The following PCDH19 variants were observed in gnomAD, a reference collection of about 807,000 sequenced individuals.
PCDH19 encodes protocadherin 19.
Under a neutral mutation model 46.2 loss-of-function variants are expected in PCDH19, and 6 were observed. The observed-to-expected ratio is 0.13, with a 90% CI of 0.07 to 0.26. The LOEUF is 0.26. Among genes scored for constraint, PCDH19 ranks in the 10% least tolerant of loss-of-function variants. The pLI is 1.00. For missense variants in PCDH19, 740 were observed against 972.3 expected (o/e 0.76, Z 3.18); for synonymous variants, 481 against 415.7 (o/e 1.16, Z -1.91).
At chrX:100,316,112 T>C (rs1454826937) in intron 5 of PCDH19, among the ~76,000 whole-genome samples, 1 of 112,008 alleles carries the variant, frequency 8.9e-6, no homozygotes, top group Non-Finnish European at 1.9e-5. Context: ...GCATCAACAG[T>C]AATTTATTGA....
chrX:100,399,701 G>A (rs1350829057), intron 3 of PCDH19, among the ~76,000 whole-genome samples: 3 of 111,476 alleles, frequency 2.7e-5, no homozygotes, highest in Non-Finnish European at 5.6e-5. Flanking sequence ...TTTCTGAATG[G>A]GTTTGCCAGT....
At chrX:100,362,498 C>G (rs1186338809) in intron 3 of PCDH19, among the ~76,000 whole-genome samples, 1 of 110,535 alleles carries the variant, frequency 9.0e-6, no homozygotes, top group Non-Finnish European at 1.9e-5. Context: ...CATTTAGGGT[C>G]AAAAGTTACT....
intron 3 of PCDH19, among the ~76,000 whole-genome samples, chrX:100,382,896 G>A (rs1405927705): frequency 1.8e-5 from 2 of 112,103 alleles, no homozygotes; most frequent in Non-Finnish European, 3.8e-5. Flanking sequence ...AAACTCTGAA[G>A]GAGCCACTAA....
chrX:100,402,431 G>A (rs1928210147), intron 3 of PCDH19, 93 bp downstream of exon 3: 1 of 769,777 alleles, frequency 1.3e-6, no homozygotes, highest in African/African-American at 2.1e-5. Context: ...ACCCCTGCCA[G>A]GGGATGTGCC....
chrX:100,385,702 C>T (rs1927693938), intron 3 of PCDH19, among the ~76,000 whole-genome samples: 1 of 111,578 alleles, frequency 9.0e-6, no homozygotes, highest in South Asian at 3.8e-4. Context: ...CGAGACCAAC[C>T]TGGCCAACAT....
chrX:100,328,399 T>C (rs992682094), intron 5 of PCDH19, among the ~76,000 whole-genome samples: 5 of 111,570 alleles, frequency 4.5e-5, no homozygotes, highest in African/African-American at 9.8e-5. Context: ...AATGTAACAG[T>C]TTGAACGTTG....
chrX:100,301,672 T>C (rs769114596), intron 5 of PCDH19, among the ~76,000 whole-genome samples: 4 of 111,232 alleles, frequency 3.6e-5, no homozygotes, highest in Non-Finnish European at 7.5e-5. Flanking sequence ...TTGTGAGATA[T>C]AATGGAGGAG....
chrX:100,327,103 G>A (rs933403987), intron 5 of PCDH19, among the ~76,000 whole-genome samples: 2 of 112,016 alleles, frequency 1.8e-5, no homozygotes, highest in Non-Finnish European at 3.8e-5. Context: ...CTGTTAAAGG[G>A]ATCAGAGATA....
At chrX:100,340,162 A>T (rs778219072) in intron 5 of PCDH19, among the ~76,000 whole-genome samples, 6 of 111,419 alleles carry the variant, frequency 5.4e-5, no homozygotes, top group Non-Finnish European at 9.4e-5. Flanking sequence ...CACAAAAAAG[A>T]ATACTCGTCT....
intron 5 of PCDH19, among the ~76,000 whole-genome samples, chrX:100,298,470 G>A (rs1924683184): frequency 1.8e-5 from 2 of 112,164 alleles, no homozygotes; most frequent in Non-Finnish European, 3.8e-5. Flanking sequence ...TTATCTTTAA[G>A]ATGGACACTT....
intron 4 of PCDH19, among the ~76,000 whole-genome samples, chrX:100,348,676 T>C (rs1159558718): frequency 8.9e-6 from 1 of 111,910 alleles, no homozygotes; most frequent in South Asian, 3.7e-4. Context: ...TGTGTGTATG[T>C]GTCTATAAAC....
In PCDH19 at chrX:100,320,618, G is replaced by A. The variant is rs982013715; in HGVS notation, c.2848+21285C>T. On this transcript the variant is annotated intron_variant, in intron 5 of 5. Coordinates refer to ENST00000373034, the MANE Select transcript of PCDH19 (RefSeq NM_001184880.2). The stretch of plus-strand genomic sequence containing the variant: ...ATCAATCTTGAATGACTGGGCCTTA[G>A]CACACTTGCAGTCCAATAAGCCAAA... Among the ~76,000 whole-genome samples, 4 of 110,899 alleles carry A rather than the reference G, an allele frequency of 3.6e-5. No homozygotes were observed. In the East Asian group the frequency reaches 1.1e-3, roughly 31 times the overall value.
chrX:100,394,810 A>AT lies in PCDH19; in HGVS notation c.2616+7713dup, dbSNP rs930269660. Among the ~76,000 whole-genome samples the AT allele has an allele frequency of 1.1e-4, 12 of 111,091 alleles. 1 individual carries two copies. Among genetic ancestry groups the AT allele is most frequent in the Admixed American group, 6.7e-4 (7 of 10,479 alleles). ...TAACCAGTGAGGATTCAAGGGCCAG[A>AT]TTTCAATCAAGGGAAAAATGAATTG... On this transcript the variant is annotated intron_variant, in intron 3 of 5. Coordinates refer to ENST00000373034, the MANE Select transcript of PCDH19 (RefSeq NM_001184880.2).
At chrX:100,301,196 A>C (rs1395773072) in intron 5 of PCDH19, among the ~76,000 whole-genome samples, 2 of 111,798 alleles carry the variant, frequency 1.8e-5, no homozygotes, top group Non-Finnish European at 3.8e-5. Context: ...GAAAATGATG[A>C]AAACATCATT....
At chrX:100,373,849 AG>A (rs1569305418) in intron 3 of PCDH19, among the ~76,000 whole-genome samples, 1 of 113,035 alleles carries the variant, frequency 8.8e-6, no homozygotes, top group Non-Finnish European at 1.9e-5. Flanking sequence ...TAGAAGCCAG[AG>A]GGATGGTCTC....
intron 5 of PCDH19, among the ~76,000 whole-genome samples, chrX:100,329,275 A>G (rs764435095): frequency 8.0e-5 from 9 of 112,509 alleles, no homozygotes; most frequent in Non-Finnish European, 1.7e-4. Context: ...TGGCACAAAC[A>G]AAGGTCTGGC....
chrX:100,390,653 G>C (rs1437219018), intron 3 of PCDH19, among the ~76,000 whole-genome samples: 1 of 111,324 alleles, frequency 9.0e-6, no homozygotes. Context: ...AACATGCATT[G>C]GGTTTAATAA....
At chrX:100,386,922 T>G (rs1317924226) in intron 3 of PCDH19, among the ~76,000 whole-genome samples, 1 of 112,117 alleles carries the variant, frequency 8.9e-6, no homozygotes, top group East Asian at 2.8e-4. Context: ...TAGTCTCCAT[T>G]TATCCAAGGG....
chrX:100,407,709 G>A lies in PCDH19; in HGVS notation c.889C>T (p.Leu297=), dbSNP rs1489598292. Residue 297 remains leucine, a synonymous_variant, in exon 1 of 6, where the codon CTG becomes TTG. Transcript: ENST00000373034. ...ELFQIDPHSG[L]VTVTGALDYE... is the part of the protein sequence containing the mutation. ...TCTAAAGCGCCAGTGACAGTGACCA[G>A]GCCACTGTGCGGGTCGATCTGAAAG... The A allele has an allele frequency of 2.5e-6, 3 of 1,211,226 alleles. No homozygotes were observed. The highest frequency in any genetic ancestry group is 4.3e-5 in the Admixed American group (2 of 46,016).
Sources: gnomAD v4.1 joint callset for allele counts (sites outside exome capture counted in the v4.1 genomes callset) on GRCh38, gnomAD v4.1.1 for gene constraint, MANE v1.5 for transcripts, NCBI Gene and HGNC (gene_info 2026-07-23, HGNC 2026-07-21) for gene names.